Variants in TLN2 observed in about 807,000 individuals in gnomAD.
TLN2 encodes talin-2.
Under a neutral mutation model 294.7 loss-of-function variants are expected in TLN2, and 118 were observed. The observed-to-expected ratio is 0.40, with a 90% CI of 0.34 to 0.47. The LOEUF (loss-of-function observed/expected upper bound fraction) is 0.47. Among genes scored for constraint, TLN2 ranks in the 20% least tolerant of loss-of-function variants. The pLI, the probability that TLN2 is intolerant of heterozygous loss-of-function variation, is 0.84. For synonymous variants in TLN2, 1,431 were observed against 1,304.5 expected (o/e 1.10, Z -2.09); for missense variants, 3,083 against 3,282.2 (o/e 0.94, Z 1.48).
At chr15:62,593,307 G>A (rs1314886378) in intron 2 of TLN2, among the ~76,000 whole-genome samples, 1 of 152,362 alleles carries the variant, frequency 6.6e-6, no homozygotes. Flanking sequence ...CTGAGTGACT[G>A]AGAGTTCTTC....
chr15:62,497,810 C>A (rs1363548574), intron 1 of TLN2, among the ~76,000 whole-genome samples: 2 of 152,136 alleles, frequency 1.3e-5, no homozygotes, highest in African/African-American at 4.8e-5. Context: ...TTGTCTGGTT[C>A]CTTTTTTCCA....
chr15:62,562,083 C>T (rs2043014423), intron 1 of TLN2, among the ~76,000 whole-genome samples: 1 of 152,124 alleles, frequency 6.6e-6, no homozygotes, highest in African/African-American at 2.4e-5. Flanking sequence ...CGATACCTGG[C>T]ACATAATAGA....
rs116855487 is a variant in TLN2, at chr15:62,525,039, A to G, written c.-237-64648A>G. 1.2e-3 allele frequency among the ~76,000 whole-genome samples: 177 copies of G among 152,344 alleles called. 5 individuals are homozygous for G. The East Asian group carries it at 0.032, about 28-fold the overall frequency. On this transcript the variant is annotated intron_variant, in intron 1 of 58. Transcript: ENST00000636159. Reference sequence around the variant, plus strand: ...ATAGTCATCGTGATAGCATCTCTGCATGTGAATTCATTTCACAACCTCCTT... The same window carrying G: ...ATAGTCATCGTGATAGCATCTCTGCGTGTGAATTCATTTCACAACCTCCTT...
intron 1 of TLN2, among the ~76,000 whole-genome samples, chr15:62,408,649 G>A (rs2140249279): frequency 6.6e-6 from 1 of 152,166 alleles, no homozygotes; most frequent in East Asian, 1.9e-4. Context: ...TAAAATACAT[G>A]GTTTCTTAGC....
At chr15:62,716,561 C>T (rs1329420519) in intron 23 of TLN2, 102 bp downstream of exon 23, 1 of 1,402,018 alleles carries the variant, frequency 7.1e-7, no homozygotes, top group South Asian at 1.7e-5. Context: ...TAAAGAAAGC[C>T]AAGTCAAGGT....
At chr15:62,703,471 T>C (rs1000859239) in intron 19 of TLN2, among the ~76,000 whole-genome samples, 1 of 152,100 alleles carries the variant, frequency 6.6e-6, no homozygotes, top group East Asian at 1.9e-4. Flanking sequence ...AATAGTGTCA[T>C]GAACTCCTGG....
At chr15:62,435,816 A>C (rs1193639770) in intron 1 of TLN2, among the ~76,000 whole-genome samples, 1 of 152,254 alleles carries the variant, frequency 6.6e-6, no homozygotes. Flanking sequence ...TGCTAGGATT[A>C]CAGGCGTGAG....
At chr15:62,581,840 TC>T (rs2045066604) in intron 1 of TLN2, among the ~76,000 whole-genome samples, 1 of 151,862 alleles carries the variant, frequency 6.6e-6, no homozygotes, top group Non-Finnish European at 1.5e-5. Flanking sequence ...GATTAGGAGT[TC>T]CAGACCAGCC....
rs568966545 is a variant in TLN2, at chr15:62,415,583, C to T, written c.-238+24898C>T. ...CTAACAGTGCCCATTCATTTAACCC[C>T]TGCTTGCCCCATTCTGGGGAAACAG... On this transcript the variant is annotated intron_variant, in intron 1 of 58. Coordinates refer to ENST00000636159, the MANE Select transcript of TLN2 (RefSeq NM_015059.3). Among the ~76,000 whole-genome samples, 2 of 101,746 alleles carry T rather than the reference C, an allele frequency of 2.0e-5. 1 individual carries two copies. The highest frequency in any genetic ancestry group is 6.5e-5 in the African/African-American group (2 of 30,888). The allele number at this position is 101,746 out of a possible 152,430, so 66.7% of individuals were successfully genotyped here.
Position 62,692,949 on chromosome 15 carries a change from G to T in TLN2, c.1215+8G>T, listed in dbSNP as rs749103758. 6.2e-7 allele frequency: 1 copy of T among 1,601,110 alleles called. No individual in the cohort carries two copies. The highest frequency in any genetic ancestry group is 1.4e-5 in the African/African-American group (1 of 74,036). ...GACATCATCCTGAAAAAGGTATTTT[G>T]TATTGATGCAAATTGGAAAAGCAAG... On this transcript the variant is annotated splice_region_variant and intron_variant, in intron 13 of 58. Transcript: ENST00000636159.
chr15:62,686,800 G>A lies in TLN2; in HGVS notation c.1113+4G>A, dbSNP rs925971469. Reference sequence around the variant, plus strand: ...CTCACCCAAGAGCTTCACACTGGTAGGGACTGGCAGAGGGCAAGGAGAGCA... The same window carrying A: ...CTCACCCAAGAGCTTCACACTGGTAAGGACTGGCAGAGGGCAAGGAGAGCA... On this transcript the variant is annotated splice_donor_region_variant and intron_variant, in intron 12 of 58. Transcript: ENST00000636159. 5.0e-6 allele frequency: 8 copies of A among 1,612,714 alleles called. No individual in the cohort carries two copies. The highest frequency in any genetic ancestry group is 6.8e-6 in the Non-Finnish European group (8 of 1,179,842).
chr15:62,437,728 G>A (rs547834114), intron 1 of TLN2, among the ~76,000 whole-genome samples: 4 of 146,362 alleles, frequency 2.7e-5, no homozygotes, highest in South Asian at 4.5e-4. Flanking sequence ...TCTGTAAAAC[G>A]GTACTTTCAA....
chr15:62,708,912 C>G (rs1348448999), intron 21 of TLN2, 116 bp downstream of exon 21: 5 of 1,285,986 alleles, frequency 3.9e-6, no homozygotes, highest in Non-Finnish European at 5.2e-6. Flanking sequence ...AAGTTCTCTT[C>G]AGTCTCAAAG....
chr15:62,423,535 A>G (rs749678632), intron 1 of TLN2, among the ~76,000 whole-genome samples: 8 of 152,056 alleles, frequency 5.3e-5, no homozygotes, highest in Non-Finnish European at 1.0e-4. Context: ...TCTTTTTCAC[A>G]TGAACTGCCA....
chr15:62,778,328 G>A (rs1217041865), intron 43 of TLN2, among the ~76,000 whole-genome samples: 1 of 152,156 alleles, frequency 6.6e-6, no homozygotes, highest in Non-Finnish European at 1.5e-5. Context: ...TCTTCTGCGG[G>A]CCCTTGGATA....
intron 1 of TLN2, among the ~76,000 whole-genome samples, chr15:62,490,423 C>A (rs373947910): frequency 6.6e-6 from 1 of 152,296 alleles, no homozygotes; most frequent in East Asian, 1.9e-4. Flanking sequence ...GGCAGTAGGG[C>A]CTTCAGCACA....
intron 2 of TLN2, among the ~76,000 whole-genome samples, chr15:62,603,435 T>TAGAGAGAG (rs141901652): frequency 1.3e-5 from 2 of 149,466 alleles, no homozygotes; most frequent in East Asian, 3.9e-4. Context: ...TGTAGTGGCA[T>TAGAGAGAG]AGAGAGAGAG....
chr15:62,722,397 C>T lies in TLN2; in HGVS notation c.3036C>T (p.Thr1012=), dbSNP rs764147697. The T allele has an allele frequency of 8.7e-6, 14 of 1,613,404 alleles. No homozygotes were observed. The highest frequency in any genetic ancestry group is 1.7e-4 in the Middle Eastern group (1 of 5,882). ...MVSSAKAAVP[T]VSDQAAAMQL... The stretch of plus-strand genomic sequence containing the variant: ...CCTCTGCCAAAGCCGCAGTGCCCAC[C>T]GTGAGTGACCAGGCCGCAGCCATGC... Residue 1012 remains threonine, a synonymous_variant, in exon 26 of 59, where the codon ACC becomes ACT. Coordinates refer to ENST00000636159, the MANE Select transcript of TLN2 (RefSeq NM_015059.3).
At chr15:62,420,416 A>G (rs2034321797) in intron 1 of TLN2, among the ~76,000 whole-genome samples, 1 of 150,940 alleles carries the variant, frequency 6.6e-6, no homozygotes, top group South Asian at 2.1e-4. Context: ...TTTTTTTTTG[A>G]AATGGAGTGT....
Sources: gnomAD v4.1 joint callset for allele counts (sites outside exome capture counted in the v4.1 genomes callset) on GRCh38, gnomAD v4.1.1 for gene constraint, MANE v1.5 for transcripts, NCBI Gene and HGNC (gene_info 2026-07-23, HGNC 2026-07-21) for gene names.